The following SVIL variants were observed in gnomAD, a reference collection of about 807,000 sequenced individuals.
SVIL encodes supervillin.
SVIL carries 101 observed loss-of-function variants against 240.4 expected under a neutral mutation model. The observed-to-expected ratio is 0.42, with a 90% CI of 0.36 to 0.50. The LOEUF (loss-of-function observed/expected upper bound fraction) is 0.50, where lower values mean the gene tolerates loss of function less well. Ranked by LOEUF, SVIL falls within the 20% of genes least tolerant of loss-of-function variation. The pLI, the probability that SVIL is intolerant of heterozygous loss-of-function variation, is 0.01. For missense variants in SVIL, 2,512 were observed against 2,818.7 expected, an observed-to-expected ratio of 0.89 and a Z score of 2.46; for synonymous variants, 999 against 1,100.0, an observed-to-expected ratio of 0.91 and a Z score of 1.82.
At chr10:29,686,918 C>T (rs1386780991) in intron 1 of SVIL, among the ~76,000 whole-genome samples, 2 of 152,146 alleles carry the variant, frequency 1.3e-5, no homozygotes, top group Non-Finnish European at 2.9e-5. Context: ...TTTAACCAGG[C>T]TTTGCCATTA....
At chr10:29,683,154 C>T (rs149920621) in intron 2 of SVIL, among the ~76,000 whole-genome samples, 1 of 152,312 alleles carries the variant, frequency 6.6e-6, no homozygotes, top group African/African-American at 2.4e-5. Flanking sequence ...AGTGGGACAA[C>T]TGGAAGCTGG....
At chr10:29,493,521 G>C in intron 20 of SVIL, 130 bp from the exon 21 acceptor site, 1 of 1,005,044 alleles carries the variant, frequency 9.9e-7, no homozygotes, top group Non-Finnish European at 1.4e-6. Context: ...GTGATATACA[G>C]GGTCCTGTGG....
chr10:29,469,816 C>T (rs1367517357), intron 32 of SVIL, among the ~76,000 whole-genome samples: 11 of 152,240 alleles, frequency 7.2e-5, no homozygotes. Context: ...GGGGGCTGCT[C>T]TCCAGAATGG....
intron 17 of SVIL, among the ~76,000 whole-genome samples, chr10:29,507,537 A>T (rs1564537520): frequency 6.6e-6 from 1 of 150,822 alleles, no homozygotes; most frequent in East Asian, 1.9e-4. Flanking sequence ...ACACACTCAC[A>T]TTCTCACAGA....
At chr10:29,684,910 C>A (rs972662648) in intron 2 of SVIL, among the ~76,000 whole-genome samples, 5 of 152,008 alleles carry the variant, frequency 3.3e-5, no homozygotes, top group African/African-American at 1.2e-4. Context: ...GTCTTAGGAC[C>A]TTTATTTTTT....
At chr10:29,678,173 T>G (rs2132578034) in intron 2 of SVIL, among the ~76,000 whole-genome samples, 1 of 152,074 alleles carries the variant, frequency 6.6e-6, no homozygotes, top group East Asian at 1.9e-4. Flanking sequence ...TGCATTACAT[T>G]TATTGTGCAA....
At chr10:29,719,525 C>G (rs549336538) in intron 1 of SVIL, among the ~76,000 whole-genome samples, 3 of 152,028 alleles carry the variant, frequency 2.0e-5, no homozygotes, top group East Asian at 1.9e-4. Flanking sequence ...CAACCCACAA[C>G]GAGGAGCAAT....
Position 29,529,757 on chromosome 10 carries a change from C to T in SVIL, c.2194G>A (p.Asp732Asn). Residue 732 changes from aspartate to asparagine, a missense_variant, in exon 12 of 38, where the codon GAC (aspartate) becomes AAC (asparagine). Coordinates refer to ENST00000355867, the MANE Select transcript of SVIL (RefSeq NM_021738.3). ...AVEQRLRRLQ[D>N]RSLTQPITTE... ...GTGATGGGCTGGGTGAGGGACCTGT[C>T]CTGCAGACGGCGTAGCCTCTGCTCC... 6.2e-7 allele frequency: 1 copy of T among 1,613,816 alleles called. No homozygotes were observed. Among genetic ancestry groups the T allele is most frequent in the Non-Finnish European group, 8.5e-7 (1 of 1,179,892 alleles).
intron 1 of SVIL, among the ~76,000 whole-genome samples, chr10:29,729,742 G>A (rs1031788185): frequency 1.2e-4 from 18 of 147,788 alleles, no homozygotes; most frequent in African/African-American, 4.6e-4. Flanking sequence ...GCTGAGGCGG[G>A]AGAACCGCTT....
At chr10:29,582,591 T>C (rs1955992446) in intron 1 of SVIL, among the ~76,000 whole-genome samples, 1 of 151,836 alleles carries the variant, frequency 6.6e-6, no homozygotes, top group African/African-American at 2.4e-5. Flanking sequence ...CATTTTAAAA[T>C]TAGCCAGGAA....
At chr10:29,552,069 G>A (rs905805612) in intron 5 of SVIL, among the ~76,000 whole-genome samples, 36 of 151,438 alleles carry the variant, frequency 2.4e-4, no homozygotes, top group African/African-American at 8.5e-4. Flanking sequence ...AGCTATGATC[G>A]ATCATGCCAC....
Position 29,604,542 on chromosome 10 carries a change from G to C in SVIL, c.-201+29878C>G, listed in dbSNP as rs114770520. ...CTGGCCATATTGTTGATCTTTCATT[G>C]TGCCTTTATTTATTTATTTACTTAC... is the stretch of plus-strand genomic sequence containing the variant. On this transcript the variant is annotated intron_variant, in intron 1 of 37. Coordinates refer to ENST00000355867, the MANE Select transcript of SVIL (RefSeq NM_021738.3). 3.8e-3 allele frequency among the ~76,000 whole-genome samples: 578 copies of C among 150,862 alleles called. 5 individuals are homozygous for C. The highest frequency in any genetic ancestry group is 0.015 in the East Asian group (76 of 5,042).
At chr10:29,605,898 G>A (rs1957002929) in intron 1 of SVIL, among the ~76,000 whole-genome samples, 1 of 151,724 alleles carries the variant, frequency 6.6e-6, no homozygotes, top group Non-Finnish European at 1.5e-5. Context: ...TTTTCTTCTA[G>A]TACTTATTAG....
chr10:29,698,917 G>T (rs1962292325), intron 1 of SVIL, among the ~76,000 whole-genome samples: 8 of 152,142 alleles, frequency 5.3e-5, no homozygotes, highest in Admixed American at 5.2e-4. Context: ...TCTCCCTCCG[G>T]CTGTGACTAC....
chr10:29,689,616 A>G (rs2132610237), intron 1 of SVIL, among the ~76,000 whole-genome samples: 1 of 152,354 alleles, frequency 6.6e-6, no homozygotes, highest in East Asian at 1.9e-4. Context: ...ACTGCAATGC[A>G]TTCATACACA....
chr10:29,590,260 C>T (rs1373313999), intron 1 of SVIL, among the ~76,000 whole-genome samples: 1 of 150,882 alleles, frequency 6.6e-6, no homozygotes, highest in East Asian at 2.0e-4. Context: ...AAGATATTAC[C>T]AGACCTCCTG....
chr10:29,592,149 G>A (rs1956415538), intron 1 of SVIL, among the ~76,000 whole-genome samples: 1 of 152,198 alleles, frequency 6.6e-6, no homozygotes, highest in African/African-American at 2.4e-5. Context: ...CTGCTTGGGA[G>A]GCTGAGGTGG....
chr10:29,657,418 T>C (rs949731712), intron 3 of SVIL, among the ~76,000 whole-genome samples: 11 of 152,204 alleles, frequency 7.2e-5, no homozygotes, highest in Admixed American at 3.3e-4. Flanking sequence ...TTTAATCCAA[T>C]GCTTTCCAAA....
intron 34 of SVIL, among the ~76,000 whole-genome samples, chr10:29,465,080 G>T (rs1944737163): frequency 6.6e-6 from 1 of 152,220 alleles, no homozygotes; most frequent in South Asian, 2.1e-4. Context: ...GCTGGGGCTG[G>T]CCATGTGACA....
Sources: gnomAD v4.1 joint callset for allele counts (sites outside exome capture counted in the v4.1 genomes callset) on GRCh38, gnomAD v4.1.1 for gene constraint, MANE v1.5 for transcripts, NCBI Gene and HGNC (gene_info 2026-07-23, HGNC 2026-07-21) for gene names.